Variants in RAD23B observed in about 807,000 individuals in gnomAD.
RAD23B encodes RAD23 nucleotide excision repair protein B.
Under a neutral mutation model 49.1 loss-of-function variants are expected in RAD23B, and 5 were observed. The observed-to-expected ratio is 0.10, with a 90% CI of 0.05 to 0.21. The LOEUF is 0.21. Among genes scored for constraint, RAD23B ranks in the 10% least tolerant of loss-of-function variants. RAD23B has a pLI of 1.00. For missense variants in RAD23B, 356 were observed against 486.7 expected, an observed-to-expected ratio of 0.73 and a Z score of 2.53; for synonymous variants, 184 against 165.4, an observed-to-expected ratio of 1.11 and a Z score of -0.86.
At chr9:107,326,694 C>T (rs1431022207) in intron 9 of RAD23B, among the ~76,000 whole-genome samples, 9 of 117,648 alleles carry the variant, frequency 7.6e-5, no homozygotes, top group Admixed American at 2.4e-4. Flanking sequence ...ATTGCAGTGG[C>T]GTGATCTCCG....
intron 8 of RAD23B, 126 bp downstream of exon 8, chr9:107,324,143 C>A: frequency 9.0e-7 from 1 of 1,107,130 alleles, no homozygotes; most frequent in Non-Finnish European, 1.3e-6. Context: ...TTCTTCCAAG[C>A]TACACTTAGA....
chr9:107,299,069 A>G (rs997925292), intron 1 of RAD23B, among the ~76,000 whole-genome samples: 5 of 152,184 alleles, frequency 3.3e-5, no homozygotes, highest in African/African-American at 1.2e-4. Flanking sequence ...CTCCTCATCT[A>G]TAAAATTGAG....
chr9:107,306,876 G>C (rs565292045), intron 4 of RAD23B, among the ~76,000 whole-genome samples: 25 of 151,032 alleles, frequency 1.7e-4, no homozygotes, highest in African/African-American at 5.4e-4. Flanking sequence ...TGGGCAGGGT[G>C]GGGGGCAGTG....
At chr9:107,326,634 T>TC (rs1354127433) in intron 9 of RAD23B, among the ~76,000 whole-genome samples, 1 of 91,876 alleles carries the variant, frequency 1.1e-5, no homozygotes, top group Admixed American at 9.6e-5. Context: ...TTTCTTTTTT[T>TC]TTTTTTTTTT....
At chr9:107,291,879 T>A (rs950478585) in intron 1 of RAD23B, among the ~76,000 whole-genome samples, 1 of 152,232 alleles carries the variant, frequency 6.6e-6, no homozygotes, top group Non-Finnish European at 1.5e-5. Flanking sequence ...CCGTGTAGTA[T>A]TAGAACTGCC....
rs1827312685 is a variant in RAD23B, at chr9:107,331,692, A to AC, written c.*2036_*2037insC. ...AGATCATAGTGAAAACTGGAAACAA[A>AC]AAAAAAAAACAGCCTCTTCTTGGAA... On this transcript the variant is annotated 3_prime_UTR_variant, in exon 10 of 10. Transcript: ENST00000358015. 6.6e-6 allele frequency: 5 copies of AC among 753,458 alleles called. No homozygotes were observed. Among genetic ancestry groups the AC allele is most frequent in the South Asian group, 1.4e-5 (1 of 72,562 alleles). 46.7% of individuals were successfully genotyped at this position (753,458 alleles called of 1,614,324 possible).
rs191129745 is a variant in RAD23B at position 107,308,400 on chromosome 9, G to C, written c.497+1753G>C. 1.5e-3 allele frequency among the ~76,000 whole-genome samples: 230 copies of C among 152,030 alleles called. 1 individual carries two copies. The highest frequency in any genetic ancestry group is 5.2e-3 in the African/African-American group (214 of 41,492). On this transcript the variant is annotated intron_variant, in intron 4 of 9. Coordinates refer to ENST00000358015, the MANE Select transcript of RAD23B (RefSeq NM_002874.5). Reference sequence around the variant, plus strand: ...TGCCCAGCTTATTTTTGTATTTTTAGTAGAGAAGGGGTTTCACCATGTTAG... The same window carrying C: ...TGCCCAGCTTATTTTTGTATTTTTACTAGAGAAGGGGTTTCACCATGTTAG...
intron 3 of RAD23B, among the ~76,000 whole-genome samples, chr9:107,305,579 G>C (rs867246542): frequency 9.9e-5 from 15 of 152,070 alleles, no homozygotes; most frequent in African/African-American, 3.6e-4. Context: ...TTTTTGCTCT[G>C]TGGGAAGCTT....
rs1272921878 is a variant in RAD23B, at chr9:107,318,447, G to A, written c.554-305G>A. Among the ~76,000 whole-genome samples the A allele has an allele frequency of 6.6e-6, 1 of 152,040 alleles. No individual in the cohort carries two copies. The highest frequency in any genetic ancestry group is 6.6e-5 in the Admixed American group (1 of 15,252). On this transcript the variant is annotated intron_variant, in intron 5 of 9. Transcript: ENST00000358015. The surrounding 1 kb of genome is among the most constrained non-coding windows in gnomAD (Gnocchi z 4.3). ...TATTAAGGATTCATGTCATTACACT[G>A]GACCCACCTGGATAATCCAGAATGA...
At chr9:107,292,035 T>C (rs1431695188) in intron 1 of RAD23B, among the ~76,000 whole-genome samples, 1 of 152,250 alleles carries the variant, frequency 6.6e-6, no homozygotes, top group Non-Finnish European at 1.5e-5. Context: ...GGAACCACTG[T>C]AGACTCTGTA....
chr9:107,309,140 A>G (rs773590094), intron 4 of RAD23B, among the ~76,000 whole-genome samples: 6 of 152,330 alleles, frequency 3.9e-5, no homozygotes, highest in East Asian at 1.9e-4. Context: ...GTGGTAGTCA[A>G]TAGGCTGCAT....
At position 107,331,578 on chromosome 9, in the gene RAD23B, A is replaced by G. The variant is rs746816567; in HGVS notation, c.*1922A>G. 1.0e-5 allele frequency: 7 copies of G among 701,794 alleles called. No homozygotes were observed. Among genetic ancestry groups the G allele is most frequent in the Non-Finnish European group, 1.6e-5 (6 of 384,202 alleles). 43.5% of individuals were successfully genotyped at this position (701,794 alleles called of 1,614,324 possible). Reference sequence around the variant, plus strand: ...AATTCATATATACGTTCATCTTTCAAGTCAGAGCAATGAGTTGGGAAAAGA... The same window carrying G: ...AATTCATATATACGTTCATCTTTCAGGTCAGAGCAATGAGTTGGGAAAAGA... On this transcript the variant is annotated 3_prime_UTR_variant, in exon 10 of 10. Transcript: ENST00000358015.
chr9:107,311,683 A>T lies in RAD23B; in HGVS notation c.499A>T (p.Thr167Ser). Reference sequence around the variant, plus strand: ...GATTTTTCTAAAATCCTTTTGTAGTACATCGGGTGATTCTTCTCGGTCAAA... The same window carrying T: ...GATTTTTCTAAAATCCTTTTGTAGTTCATCGGGTGATTCTTCTCGGTCAAA... Reference protein sequence around the residue: ...VATSPTATDSTSGDSSRSNLF... With the variant: ...VATSPTATDSSSGDSSRSNLF... The change falls in exon 5 of 10, where the codon ACA becomes TCA. Residue 167 changes from threonine (T) to serine (S), a missense_variant and splice_region_variant. Physicochemically the swap from Thr to Ser is moderately conservative, Grantham distance 58 (BLOSUM62 1). Coordinates refer to ENST00000358015, the MANE Select transcript of RAD23B (RefSeq NM_002874.5). 2 of 1,575,000 alleles carry T rather than the reference A, an allele frequency of 1.3e-6. No individual in the cohort carries two copies. The highest frequency in any genetic ancestry group is 8.6e-7 in the Non-Finnish European group (1 of 1,167,388).
chr9:107,329,115 G>A (rs545357291), intron 9 of RAD23B, among the ~76,000 whole-genome samples: 47 of 152,276 alleles, frequency 3.1e-4, no homozygotes, highest in African/African-American at 1.1e-3. Context: ...TTTAGAAATA[G>A]GTGAGGTGGT....
chr9:107,289,709 C>T (rs1219683013), intron 1 of RAD23B, among the ~76,000 whole-genome samples: 2 of 152,186 alleles, frequency 1.3e-5, no homozygotes, highest in East Asian at 1.9e-4. Context: ...AGGCAAGTTA[C>T]TCAGTATGTG....
chr9:107,320,898 T>C (rs1433117139), intron 6 of RAD23B, among the ~76,000 whole-genome samples: 1 of 152,212 alleles, frequency 6.6e-6, no homozygotes, highest in Non-Finnish European at 1.5e-5. Context: ...TGTGTTACTC[T>C]TCATCCTTTA....
intron 5 of RAD23B, among the ~76,000 whole-genome samples, chr9:107,313,870 T>C (rs1002876447): frequency 2.0e-5 from 3 of 151,636 alleles, no homozygotes; most frequent in African/African-American, 7.3e-5. Flanking sequence ...TTTCTTTTCC[T>C]TTCTCCTCTC....
At chr9:107,321,869 G>C in intron 6 of RAD23B, 114 bp from the exon 7 acceptor site, 2 of 1,153,854 alleles carry the variant, frequency 1.7e-6, no homozygotes, top group Non-Finnish European at 2.3e-6. Context: ...GCAGACATCT[G>C]TTTGATGCTT....
chr9:107,306,529 A>C lies in RAD23B; in HGVS notation c.379A>C (p.Thr127Pro). Residue 127 changes from threonine to proline, a missense_variant, in exon 4 of 10, where the codon ACT becomes CCT. By Grantham distance (38) the Thr-to-Pro change is conservative. Around this residue, in one of 5 missense-constraint regions of RAD23B, gnomAD observed 137 missense variants for 122.0 expected, o/e 1.12. Coordinates refer to ENST00000358015, the MANE Select transcript of RAD23B (RefSeq NM_002874.5). Reference sequence around the variant, plus strand: ...CCCCACTTCCACACCTGCATCCATCACTCCAGCATCAGCGACAGCATCTTC... The same window carrying C: ...CCCCACTTCCACACCTGCATCCATCCCTCCAGCATCAGCGACAGCATCTTC... ...LAPTSTPASI[T>P]PASATASSEP... 1.2e-6 allele frequency: 2 copies of C among 1,613,766 alleles called. No individual in the cohort carries two copies. Among genetic ancestry groups the C allele is most frequent in the Non-Finnish European group, 1.7e-6 (2 of 1,179,928 alleles).
Sources: allele counts gnomAD v4.1 joint callset (sites outside exome capture counted in the v4.1 genomes callset), GRCh38; gene constraint gnomAD v4.1.1; regional missense constraint gnomAD v4.1.1; non-coding constraint Gnocchi (gnomAD v3.1); transcripts MANE v1.5; gene names NCBI Gene and HGNC (gene_info 2026-07-23, HGNC 2026-07-21).